The following DOCK9 variants were observed in gnomAD, a reference collection of about 807,000 sequenced individuals.
The protein encoded by DOCK9 is dedicator of cytokinesis 9.
In DOCK9, 89 loss-of-function variants were observed where a neutral mutation model predicts 263.3. The observed-to-expected ratio is 0.34, with a 90% CI of 0.28 to 0.40. DOCK9 has a LOEUF of 0.40. Among genes scored for constraint, DOCK9 ranks in the 10% least tolerant of loss-of-function variants. The probability of loss-of-function intolerance (pLI) is 1.00; values close to 1 mark genes in which losing one functional copy is unlikely to be tolerated. For missense variants in DOCK9, 2,140 were observed against 2,603.4 expected, an observed-to-expected ratio of 0.82 and a Z score of 3.87; for synonymous variants, 976 against 973.1, an observed-to-expected ratio of 1.00 and a Z score of -0.06.
At chr13:99,023,029 T>C (rs964625522) in intron 1 of DOCK9, among the ~76,000 whole-genome samples, 1 of 152,144 alleles carries the variant, frequency 6.6e-6, no homozygotes, top group Non-Finnish European at 1.5e-5. Flanking sequence ...TGTAAAATAG[T>C]GCAGCTGTTA....
At chr13:99,083,386 G>A (rs2042205792) in intron 1 of DOCK9, among the ~76,000 whole-genome samples, 1 of 152,146 alleles carries the variant, frequency 6.6e-6, no homozygotes, top group Non-Finnish European at 1.5e-5. Flanking sequence ...TGGGAAATGT[G>A]AAGAGCATAC....
chr13:98,884,823 G>T, intron 21 of DOCK9, 148 bp downstream of exon 21: 1 of 1,038,680 alleles, frequency 9.6e-7, no homozygotes, highest in Non-Finnish European at 1.4e-6. Context: ...TCTTCAATTG[G>T]CCAAAGTTTA....
intron 27 of DOCK9, among the ~76,000 whole-genome samples, chr13:98,875,565 G>A (rs1029009879): frequency 2.0e-5 from 3 of 152,156 alleles, no homozygotes; most frequent in Non-Finnish European, 4.4e-5. Context: ...CCATGTGGGA[G>A]GAAAGGAAAT....
intron 21 of DOCK9, 62 bp downstream of exon 21, chr13:98,884,909 T>TTAGTTGTTCTTTAA: frequency 1.3e-6 from 2 of 1,531,936 alleles, no homozygotes; most frequent in East Asian, 4.6e-5. Flanking sequence ...TATTGTTGTT[T>TTAGTTGTTCTTTAA]TAGTTGTTCT....
intron 45 of DOCK9, among the ~76,000 whole-genome samples, chr13:98,821,497 T>A (rs558489020): frequency 1.3e-5 from 2 of 152,334 alleles, no homozygotes; most frequent in Admixed American, 1.3e-4. Context: ...TTTCTTAGAC[T>A]TTCTTCAATC....
Position 98,954,863 on chromosome 13 carries a change from TACACACACAC to T in DOCK9, c.243+562_243+571del, listed in dbSNP as rs71719426. Among the ~76,000 whole-genome samples the T allele has an allele frequency of 1.6e-4, 24 of 146,580 alleles. No homozygotes were observed. The East Asian group carries it at 1.8e-3, about 11-fold the overall frequency. On this transcript the variant is annotated intron_variant, in intron 2 of 52. Coordinates refer to ENST00000682017, the MANE Select transcript of DOCK9 (RefSeq NM_001366683.2). The stretch of plus-strand genomic sequence containing the variant: ...CAGAGTATAGCACTTTTATTCAAGA[TACACACACAC>T]ACACACACACACACACACACACACA...
intron 1 of DOCK9, among the ~76,000 whole-genome samples, chr13:99,008,946 C>G (rs1015387423): frequency 6.6e-6 from 1 of 152,182 alleles, no homozygotes; most frequent in Admixed American, 6.5e-5. Flanking sequence ...GGACACAATT[C>G]AGTCCATTGC....
intron 45 of DOCK9, among the ~76,000 whole-genome samples, chr13:98,818,483 G>A (rs967398843): frequency 2.0e-4 from 31 of 152,220 alleles, no homozygotes; most frequent in African/African-American, 7.2e-4. Context: ...ACCTTATAGG[G>A]CAGTCATATG....
intron 1 of DOCK9, among the ~76,000 whole-genome samples, chr13:98,977,113 C>T (rs1433666624): frequency 6.6e-6 from 1 of 152,158 alleles, no homozygotes; most frequent in African/African-American, 2.4e-5. Flanking sequence ...GAAGCACAAC[C>T]TACTCACTGA....
intron 1 of DOCK9, among the ~76,000 whole-genome samples, chr13:99,039,708 A>G (rs1287416519): frequency 1.3e-5 from 2 of 152,208 alleles, no homozygotes; most frequent in Admixed American, 1.3e-4. Context: ...TGGTAACAGA[A>G]TGAGTGTTTC....
Position 99,005,995 on chromosome 13 carries a change from T to C in DOCK9, c.130-50444A>G, listed in dbSNP as rs765459259. Among the ~76,000 whole-genome samples, 5 of 152,168 alleles carry C rather than the reference T, an allele frequency of 3.3e-5. No homozygotes were observed. The East Asian group carries it at 9.6e-4, about 29-fold the overall frequency. On this transcript the variant is annotated intron_variant, in intron 1 of 32. Transcript: ENST00000427887. ...ATACTGGTGAATATCTGATCTCAGA[T>C]AGGCAAGAATTTCTAAGCATAAAGG... is the stretch of plus-strand genomic sequence containing the variant.
rs1247237237 is a variant in DOCK9 at position 98,800,441 on chromosome 13, A to G, written c.5763T>C (p.Pro1921=). Residue 1921 remains proline (P), a synonymous_variant, in exon 50 of 53, where the codon CCT becomes CCC. Coordinates refer to ENST00000682017, the MANE Select transcript of DOCK9 (RefSeq NM_001366683.2). ...GGTCAGTGTGGTGCTGGTACATGAC[A>G]GGGATGCGCTTCTTCACATAAGGGA... ...HCFPYVKKRI[P]VMYQHHTDLN... is the part of the protein sequence containing the mutation. 6.2e-7 allele frequency: 1 copy of G among 1,613,898 alleles called. No individual in the cohort carries two copies. The highest frequency in any genetic ancestry group is 2.2e-5 in the East Asian group (1 of 44,896).
intron 15 of DOCK9, among the ~76,000 whole-genome samples, chr13:98,895,068 C>A (rs1397720058): frequency 1.3e-5 from 2 of 148,720 alleles, no homozygotes; most frequent in Non-Finnish European, 3.0e-5. Context: ...ATTGCTTGAA[C>A]CTGGGAGGCG....
chr13:98,942,220 GT>G lies in DOCK9; in HGVS notation c.244-11964del, dbSNP rs60412646. Among the ~76,000 whole-genome samples the G allele has an allele frequency of 2.9e-3, 388 of 132,412 alleles. 1 individual carries two copies. Among genetic ancestry groups the G allele is most frequent in the African/African-American group, 9.7e-3 (322 of 33,160 alleles). 86.9% of individuals were successfully genotyped at this position (132,412 alleles called of 152,430 possible). A position where few individuals can be genotyped will look rare whatever the true frequency, so the allele number is the denominator to read the frequency against. On this transcript the variant is annotated intron_variant, in intron 2 of 52. Transcript: ENST00000682017. ...GTTGTCTGTATGTGTCTCTGGTTAT[GT>G]TTTTTTTTTTGTTGTTTTTTTTTTT... is the stretch of plus-strand genomic sequence containing the variant.
intron 15 of DOCK9, among the ~76,000 whole-genome samples, chr13:98,893,532 T>C (rs2046945423): frequency 1.3e-5 from 2 of 152,314 alleles, no homozygotes; most frequent in Admixed American, 1.3e-4. Flanking sequence ...TCTTGGAACA[T>C]ATCCCTGGGT....
At chr13:98,885,132 T>C (rs2045483322) in intron 20 of DOCK9, 40 bp from the exon 21 acceptor site, 1 of 1,603,852 alleles carries the variant, frequency 6.2e-7, no homozygotes, top group Non-Finnish European at 8.5e-7. Flanking sequence ...CAGAACACTG[T>C]GAGTGTATGA....
At chr13:98,896,241 A>G (rs1337022218) in intron 15 of DOCK9, among the ~76,000 whole-genome samples, 2 of 152,188 alleles carry the variant, frequency 1.3e-5, no homozygotes, top group Non-Finnish European at 2.9e-5. Context: ...TACCTTTTTG[A>G]GCCTCTTGAC....
chr13:99,003,053 T>C (rs1343695119), intron 1 of DOCK9, among the ~76,000 whole-genome samples: 1 of 152,160 alleles, frequency 6.6e-6, no homozygotes, highest in African/African-American at 2.4e-5. Context: ...AAGAGAATGG[T>C]TTTATTCAAT....
At chr13:98,893,376 G>T (rs550726957) in intron 15 of DOCK9, among the ~76,000 whole-genome samples, 1 of 152,076 alleles carries the variant, frequency 6.6e-6, no homozygotes, top group Non-Finnish European at 1.5e-5. Context: ...TCATGTCTTC[G>T]CATTTCCTGC....
Sources: gnomAD v4.1 joint callset for allele counts (sites outside exome capture counted in the v4.1 genomes callset) on GRCh38, gnomAD v4.1.1 for gene constraint, MANE v1.5 for transcripts, NCBI Gene and HGNC (gene_info 2026-07-23, HGNC 2026-07-21) for gene names.